Variants in LRRC37A2 observed in about 807,000 individuals in gnomAD.
The protein encoded by LRRC37A2 is leucine rich repeat containing 37 member A2.
A neutral mutation model predicts 68.8 loss-of-function variants in LRRC37A2; 9 were observed. That is an observed-to-expected ratio of 0.13 (90% CI 0.08 to 0.23). The LOEUF is 0.23. Among genes scored for constraint, LRRC37A2 ranks in the 10% least tolerant of loss-of-function variants. The pLI is 1.00. For synonymous variants in LRRC37A2, 63 were observed against 367.6 expected (o/e 0.17, Z 9.48); for missense variants, 168 against 950.4 (o/e 0.18, Z 10.82).
the LRRC37A2 span, chr17:46,933,631 C>CTTTTTTTTTTTT: frequency 4.5e-5 from 6 of 134,740 alleles, no homozygotes; most frequent in Non-Finnish European, 6.2e-5. Context: ...GTGGCATAAC[C>CTTTTTTTTTTTT]TTTTTTTTTT....
chr17:46,710,909 T>G, the LRRC37A2 span: 2 of 1,481,036 alleles, frequency 1.4e-6, no homozygotes, highest in Non-Finnish European at 9.1e-7. Flanking sequence ...TCTTTTATAC[T>G]GTTAGTTTTT....
chr17:46,553,357 T>C, intron 11 of LRRC37A2, 43 bp from the exon 11 acceptor site: 1 of 1,609,168 alleles, frequency 6.2e-7, no homozygotes, highest in Non-Finnish European at 8.5e-7. Flanking sequence ...GAGACGGTGG[T>C]TGTTGTCATA....
the LRRC37A2 span, among the ~76,000 whole-genome samples, chr17:46,865,010 C>T: frequency 0.019 from 2,951 of 152,272 alleles, 90 homozygotes; most frequent in African/African-American, 0.068. Context: ...TAGATGTTTA[C>T]AGTCACAGAC....
At chr17:46,943,377 CT>C in the LRRC37A2 span, among the ~76,000 whole-genome samples, 1 of 152,250 alleles carries the variant, frequency 6.6e-6, no homozygotes, top group Non-Finnish European at 1.5e-5. Flanking sequence ...CCCACCACCC[CT>C]GCCTGGTGTT....
chr17:46,479,546 C>T, the LRRC37A2 span, among the ~76,000 whole-genome samples: 6 of 104,030 alleles, frequency 5.8e-5, no homozygotes, highest in Non-Finnish European at 1.1e-4. Context: ...CTTACTCTGT[C>T]GCCCAGGCTG....
At chr17:47,000,038 TAAAATAAAATA>T in the LRRC37A2 span, among the ~76,000 whole-genome samples, 1 of 23,834 alleles carries the variant, frequency 4.2e-5, no homozygotes, top group African/African-American at 7.7e-5. Flanking sequence ...TAAAATAAAA[TAAAATAAAATA>T]AAATAAAATA....
At chr17:47,020,576 A>G in the LRRC37A2 span, among the ~76,000 whole-genome samples, 218 of 150,718 alleles carry the variant, frequency 1.4e-3, 1 homozygote, top group East Asian at 7.6e-3. Flanking sequence ...TCAGGAGATC[A>G]AGACCATCCT....
the LRRC37A2 span, among the ~76,000 whole-genome samples, chr17:47,004,038 A>C: frequency 6.6e-6 from 1 of 152,208 alleles, no homozygotes; most frequent in African/African-American, 2.4e-5. Flanking sequence ...TGTCCCTACA[A>C]AGGACATGAA....
the LRRC37A2 span, among the ~76,000 whole-genome samples, chr17:46,684,482 G>C: frequency 1.3e-5 from 2 of 152,180 alleles, no homozygotes; most frequent in South Asian, 2.1e-4. Flanking sequence ...GGGTCAAATG[G>C]TATTTCTGGT....
At chr17:47,036,584 TA>T in the LRRC37A2 span, among the ~76,000 whole-genome samples, 2,657 of 148,194 alleles carry the variant, frequency 0.018, 81 homozygotes, top group African/African-American at 0.061. Context: ...CAGCACCATT[TA>T]AAAAAAAAAA....
At chr17:46,966,358 A>G in the LRRC37A2 span, among the ~76,000 whole-genome samples, 5 of 152,128 alleles carry the variant, frequency 3.3e-5, no homozygotes, top group African/African-American at 4.8e-5. Flanking sequence ...ATCATGGCCC[A>G]TTGTGTGACC....
At chr17:46,855,307 G>A in the LRRC37A2 span, among the ~76,000 whole-genome samples, 34 of 152,308 alleles carry the variant, frequency 2.2e-4, no homozygotes, top group African/African-American at 7.0e-4. Flanking sequence ...GGATAAGGCC[G>A]CACATTCTTT....
chr17:46,737,400 AT>A, the LRRC37A2 span, among the ~76,000 whole-genome samples: 1 of 152,154 alleles, frequency 6.6e-6, no homozygotes, highest in Non-Finnish European at 1.5e-5. Context: ...CATATCCCAT[AT>A]TTTGGTCAGA....
At chr17:46,907,742 C>G in the LRRC37A2 span, among the ~76,000 whole-genome samples, 1 of 148,752 alleles carries the variant, frequency 6.7e-6, no homozygotes. Context: ...GTCCCAGCTA[C>G]TCAGCGGGGG....
chr17:46,846,913 G>C, the LRRC37A2 span, among the ~76,000 whole-genome samples: 1 of 152,176 alleles, frequency 6.6e-6, no homozygotes, highest in Non-Finnish European at 1.5e-5. Context: ...CAGAAGGACA[G>C]ATGAGTGAAG....
chr17:46,392,272 C>T, the LRRC37A2 span, among the ~76,000 whole-genome samples: 1 of 66,984 alleles, frequency 1.5e-5, no homozygotes, highest in East Asian at 3.1e-4. Context: ...AATGCAGTGG[C>T]GTGATCAGGG....
the LRRC37A2 span, chr17:46,726,534 T>G: frequency 1.2e-6 from 2 of 1,613,238 alleles, no homozygotes; most frequent in Non-Finnish European, 1.7e-6. Context: ...AATAAATGAC[T>G]TTGTTTTCTT....
the LRRC37A2 span, among the ~76,000 whole-genome samples, chr17:46,959,799 TC>T: frequency 6.6e-6 from 1 of 152,186 alleles, no homozygotes; most frequent in Non-Finnish European, 1.5e-5. Context: ...CCATGGAAAG[TC>T]CTCCAATCCT....
At chr17:46,765,958 G>A in the LRRC37A2 span, among the ~76,000 whole-genome samples, 1 of 152,250 alleles carries the variant, frequency 6.6e-6, no homozygotes, top group Non-Finnish European at 1.5e-5. Context: ...TGGTCACAGA[G>A]TGAGGCCTCC....
Sources: gnomAD v4.1 joint callset for allele counts (sites outside exome capture counted in the v4.1 genomes callset) on GRCh38, gnomAD v4.1.1 for gene constraint, MANE v1.5 for transcripts, NCBI Gene and HGNC (gene_info 2026-07-23, HGNC 2026-07-21) for gene names.